The following USP24 variants were observed in gnomAD, a reference collection of about 807,000 sequenced individuals.
USP24 encodes the protein ubiquitin specific peptidase 24, also known as ubiquitin carboxyl-terminal hydrolase 24.
USP24 carries 97 observed loss-of-function variants against 361.6 expected under a neutral mutation model. That is an observed-to-expected ratio of 0.27 (90% confidence interval 0.23 to 0.32). The LOEUF is 0.32. Among genes scored for constraint, USP24 ranks in the 10% least tolerant of loss-of-function variants. The pLI, the probability that USP24 is intolerant of heterozygous loss-of-function variation, is 1.00. For missense variants in USP24, 2,353 were observed against 3,165.6 expected, an observed-to-expected ratio of 0.74 and a Z score of 6.16; for synonymous variants, 1,098 against 1,124.6, an observed-to-expected ratio of 0.98 and a Z score of 0.47.
chr1:55,170,725 T>A (rs1249027927), intron 5 of USP24, among the ~76,000 whole-genome samples: 1 of 152,206 alleles, frequency 6.6e-6, no homozygotes, highest in Non-Finnish European at 1.5e-5. Flanking sequence ...TGGCAATAAC[T>A]ACCCCTTCCC....
At chr1:55,071,740 G>A in intron 67 of USP24, 74 bp downstream of exon 67, 2 of 1,416,304 alleles carry the variant, frequency 1.4e-6, no homozygotes, top group Non-Finnish European at 2.0e-6. Context: ...TTTTCCCTCA[G>A]CTGTGGAAAT....
chr1:55,189,395 G>A (rs530386355), intron 1 of USP24, among the ~76,000 whole-genome samples: 2 of 152,158 alleles, frequency 1.3e-5, no homozygotes, highest in South Asian at 4.1e-4. Context: ...TGAGTTGAAT[G>A]AATTTCCACA....
At chr1:55,148,107 T>A (rs778909469) in intron 17 of USP24, among the ~76,000 whole-genome samples, 1 of 152,146 alleles carries the variant, frequency 6.6e-6, no homozygotes, top group African/African-American at 2.4e-5. Flanking sequence ...GTCTATACAT[T>A]GAGGAAACTC....
At chr1:55,138,356 T>C (rs1343819025) in intron 26 of USP24, among the ~76,000 whole-genome samples, 1 of 152,168 alleles carries the variant, frequency 6.6e-6, no homozygotes, top group Non-Finnish European at 1.5e-5. Context: ...ATTCCCATCT[T>C]ATCACCCTCC....
chr1:55,153,956 A>C (rs1206310254), intron 15 of USP24, 39 bp from the exon 16 acceptor site: 1 of 1,546,322 alleles, frequency 6.5e-7, no homozygotes. Context: ...GTGACTTGGT[A>C]AAAGCAATAC....
At chr1:55,172,699 C>A (rs548862211) in intron 3 of USP24, among the ~76,000 whole-genome samples, 179 bp from the exon 4 acceptor site, 1 of 152,144 alleles carries the variant, frequency 6.6e-6, no homozygotes, top group Non-Finnish European at 1.5e-5. Flanking sequence ...ATTTCAAAGT[C>A]AATACAGAGT....
At chr1:55,112,330 T>A (rs1645978096) in intron 38 of USP24, among the ~76,000 whole-genome samples, 1 of 152,236 alleles carries the variant, frequency 6.6e-6, no homozygotes, top group African/African-American at 2.4e-5. Flanking sequence ...TGAATTTGTT[T>A]GCTCTTGCTT....
intron 28 of USP24, among the ~76,000 whole-genome samples, chr1:55,136,179 G>C (rs1311981767): frequency 6.6e-6 from 1 of 152,182 alleles, no homozygotes; most frequent in Non-Finnish European, 1.5e-5. Flanking sequence ...GGCTCACTGA[G>C]AATATGAGTA....
chr1:55,113,410 G>T (rs905400594), intron 38 of USP24, among the ~76,000 whole-genome samples: 6 of 152,122 alleles, frequency 3.9e-5, no homozygotes, highest in South Asian at 2.1e-4. Context: ...AACCAAAAAA[G>T]GCCCAGGACC....
chr1:55,135,183 C>T (rs1452158622), intron 28 of USP24, among the ~76,000 whole-genome samples: 1 of 152,090 alleles, frequency 6.6e-6, no homozygotes, highest in African/African-American at 2.4e-5. Flanking sequence ...GGGGGTCTCG[C>T]TATGTTGGCC....
chr1:55,130,964 A>G (rs756460958), intron 31 of USP24, among the ~76,000 whole-genome samples: 1 of 152,238 alleles, frequency 6.6e-6, no homozygotes, highest in Non-Finnish European at 1.5e-5. Context: ...AAGTCTTAAA[A>G]TGATACCAGA....
In USP24 at chr1:55,157,298, C is replaced by T; in HGVS notation, c.1300G>A (p.Asp434Asn). Residue 434 changes from aspartate to asparagine, a missense_variant, in exon 11 of 68, where the codon GAT becomes AAT. Physicochemically the swap from Asp to Asn is conservative, Grantham distance 23. This residue lies in a region of USP24 where 386 missense variants were observed against 560.5 expected (regional missense o/e 0.69). Transcript: ENST00000294383. Reference protein sequence around the residue: ...KNAIDTDRLLDWLVENSVLSI... With the variant: ...KNAIDTDRLLNWLVENSVLSI... ...AGAACTGAGTTTTCAACTAGCCAAT[C>T]TAATAATCTGTCTGTATCTATAGCA... 6.2e-7 allele frequency: 1 copy of T among 1,603,200 alleles called. No individual in the cohort carries two copies.
At chr1:55,074,955 T>G (rs1019547496) in intron 63 of USP24, among the ~76,000 whole-genome samples, 3 of 152,278 alleles carry the variant, frequency 2.0e-5, no homozygotes, top group East Asian at 1.9e-4. Flanking sequence ...CTTTTTCTAA[T>G]AAATAGCTCA....
intron 1 of USP24, among the ~76,000 whole-genome samples, chr1:55,184,039 G>A (rs1644055211): frequency 6.6e-6 from 1 of 152,096 alleles, no homozygotes; most frequent in South Asian, 2.1e-4. Context: ...GACAAGAAAG[G>A]CTGTTCTTTT....
intron 39 of USP24, among the ~76,000 whole-genome samples, chr1:55,107,841 C>CAAAAAAAAAA (rs777328294): frequency 2.4e-4 from 9 of 38,246 alleles, no homozygotes; most frequent in Admixed American, 5.1e-4. Context: ...GACTCTGTCT[C>CAAAAAAAAAA]AAAAAAAAAA....
At chr1:55,140,659 G>A (rs182261550) in intron 24 of USP24, among the ~76,000 whole-genome samples, 3 of 152,252 alleles carry the variant, frequency 2.0e-5, no homozygotes, top group East Asian at 1.9e-4. Flanking sequence ...GGAATATCCC[G>A]TTGTGAATAA....
At chr1:55,186,260 T>C (rs749936249) in intron 1 of USP24, among the ~76,000 whole-genome samples, 1 of 152,160 alleles carries the variant, frequency 6.6e-6, no homozygotes, top group East Asian at 1.9e-4. Flanking sequence ...ATGGTTATTA[T>C]AAAAAATATA....
At chr1:55,208,162 T>C (rs1004938121) in intron 1 of USP24, among the ~76,000 whole-genome samples, 1 of 152,094 alleles carries the variant, frequency 6.6e-6, no homozygotes, top group African/African-American at 2.4e-5. Context: ...TCTAAAACAG[T>C]GGATTCTACT....
At chr1:55,213,616 T>C (rs1207876464) in intron 1 of USP24, among the ~76,000 whole-genome samples, 1 of 152,234 alleles carries the variant, frequency 6.6e-6, no homozygotes, top group Non-Finnish European at 1.5e-5. Context: ...TGCTTTTCTG[T>C]GGTCAGGCCA....
Sources: allele counts gnomAD v4.1 joint callset (sites outside exome capture counted in the v4.1 genomes callset), GRCh38; gene constraint gnomAD v4.1.1; regional missense constraint gnomAD v4.1.1; transcripts MANE v1.5; gene names NCBI Gene and HGNC (gene_info 2026-07-23, HGNC 2026-07-21).